The following NUBPL variants were observed in gnomAD, a reference collection of about 807,000 sequenced individuals.
NUBPL encodes iron-sulfur cluster transfer protein NUBPL.
NUBPL carries 31 observed loss-of-function variants against 45.7 expected under a neutral mutation model. The ratio of observed to expected loss-of-function variants is 0.68; its 90% confidence interval spans 0.51 to 0.92. NUBPL has a LOEUF of 0.92. Among genes scored for constraint, NUBPL ranks in the 40% least tolerant of loss-of-function variants. The probability of loss-of-function intolerance (pLI) is 0.00; values close to 1 mark genes in which losing one functional copy is unlikely to be tolerated. For missense variants in NUBPL, 401 were observed against 398.7 expected, an observed-to-expected ratio of 1.01 and a Z score of -0.05; for synonymous variants, 144 against 140.9, an observed-to-expected ratio of 1.02 and a Z score of -0.15.
chr14:31,654,037 A>G (rs1263596919), intron 4 of NUBPL: 3 of 448,808 alleles, frequency 6.7e-6, no homozygotes, highest in Admixed American at 2.4e-5. Context: ...CTACTATAGC[A>G]CTAACACCAA....
intron 4 of NUBPL, among the ~76,000 whole-genome samples, chr14:31,605,087 T>G (rs1238287365): frequency 1.3e-5 from 2 of 152,224 alleles, no homozygotes; most frequent in Non-Finnish European, 2.9e-5. Context: ...AATATAACCT[T>G]TTTTAAAGAA....
At chr14:31,823,077 A>G (rs2040043857) in intron 7 of NUBPL, among the ~76,000 whole-genome samples, 1 of 152,038 alleles carries the variant, frequency 6.6e-6, no homozygotes, top group Non-Finnish European at 1.5e-5. Context: ...GAGTTAATTG[A>G]GATATATCGA....
Position 31,689,151 on chromosome 14 carries a change from T to C in NUBPL, c.513+15577T>C, listed in dbSNP as rs61011580. ...CATACAAGTGCATGTGTCTTTATGG[T>C]AGAATGATTTATATTCTTTAGGGTA... On this transcript the variant is annotated intron_variant, in intron 6 of 10. Coordinates refer to ENST00000281081, the MANE Select transcript of NUBPL (RefSeq NM_025152.3). 3.1e-3 allele frequency among the ~76,000 whole-genome samples: 468 copies of C among 152,320 alleles called. 2 individuals carry two copies. The highest frequency in any genetic ancestry group is 0.01 in the African/African-American group (435 of 41,570).
At chr14:31,687,662 C>T (rs1188192118) in intron 6 of NUBPL, among the ~76,000 whole-genome samples, 5 of 152,192 alleles carry the variant, frequency 3.3e-5, no homozygotes, top group African/African-American at 7.2e-5. Context: ...TTCATTTCTC[C>T]AATCAATTAT....
At chr14:31,631,766 GT>G (rs998646702) in intron 4 of NUBPL, among the ~76,000 whole-genome samples, 1 of 150,500 alleles carries the variant, frequency 6.6e-6, no homozygotes, top group Non-Finnish European at 1.5e-5. Context: ...TTCCACCCCC[GT>G]TTTTTTTTCT....
chr14:31,761,192 T>G (rs181434988), intron 6 of NUBPL, among the ~76,000 whole-genome samples: 1 of 151,754 alleles, frequency 6.6e-6, no homozygotes, highest in Non-Finnish European at 1.5e-5. Flanking sequence ...TCTGAATTTT[T>G]TTTTGGAGAT....
chr14:31,614,568 T>G (rs1391642887), intron 4 of NUBPL, among the ~76,000 whole-genome samples: 2 of 152,240 alleles, frequency 1.3e-5, no homozygotes, highest in Non-Finnish European at 2.9e-5. Flanking sequence ...CTTGAAAACT[T>G]ATGATTTTCT....
chr14:31,648,456 C>T (rs933910399), intron 4 of NUBPL, among the ~76,000 whole-genome samples: 1 of 152,124 alleles, frequency 6.6e-6, no homozygotes, highest in Non-Finnish European at 1.5e-5. Flanking sequence ...GGTAAGCATA[C>T]TACCTATGTT....
chr14:31,675,002 T>G (rs1202157804), intron 6 of NUBPL, among the ~76,000 whole-genome samples: 1 of 151,958 alleles, frequency 6.6e-6, no homozygotes, highest in Non-Finnish European at 1.5e-5. Context: ...CCCTGCTTGG[T>G]GGCGGGTGCC....
intron 6 of NUBPL, among the ~76,000 whole-genome samples, chr14:31,738,876 G>A (rs1022103965): frequency 6.6e-6 from 1 of 152,030 alleles, no homozygotes; most frequent in Admixed American, 6.6e-5. Context: ...GGAGAAAATA[G>A]GGGAAAAGTC....
chr14:31,642,625 A>G (rs1185462212), intron 4 of NUBPL, among the ~76,000 whole-genome samples: 1 of 152,008 alleles, frequency 6.6e-6, no homozygotes, highest in Non-Finnish European at 1.5e-5. Flanking sequence ...AGTGTGATGC[A>G]TCCATCTTTG....
chr14:31,700,181 A>G (rs1484131697), intron 6 of NUBPL, among the ~76,000 whole-genome samples: 2 of 152,262 alleles, frequency 1.3e-5, no homozygotes, highest in African/African-American at 4.8e-5. Flanking sequence ...AGTTACCCAG[A>G]ACAAGTTATT....
chr14:31,701,570 AAC>A (rs780776932), intron 6 of NUBPL, among the ~76,000 whole-genome samples: 2 of 152,360 alleles, frequency 1.3e-5, no homozygotes, highest in Admixed American at 1.3e-4. Context: ...TATGAGCTGT[AAC>A]ACTCACTGCG....
rs560910370 is a variant in NUBPL at position 31,856,881 on chromosome 14, G to C, written c.898-2237G>C. 9.4e-4 allele frequency among the ~76,000 whole-genome samples: 143 copies of C among 152,254 alleles called. 2 individuals carry two copies. Among genetic ancestry groups the C allele is most frequent in the African/African-American group, 3.2e-3 (134 of 41,560 alleles). On this transcript the variant is annotated intron_variant, in intron 10 of 10. Coordinates refer to ENST00000281081, the MANE Select transcript of NUBPL (RefSeq NM_025152.3). ...CTTCATGGTTTGGCGTTGAGTTTCT[G>C]CAGCTTTTTCAGGCACACTGTACAA...
chr14:31,732,173 G>A, intron 6 of NUBPL, among the ~76,000 whole-genome samples: 1 of 87,360 alleles, frequency 1.1e-5, no homozygotes, highest in African/African-American at 4.6e-5. Flanking sequence ...CAGCCTGGGT[G>A]ACAGAGCAAG....
chr14:31,592,436 T>G (rs1284370861), intron 3 of NUBPL, among the ~76,000 whole-genome samples: 1 of 152,132 alleles, frequency 6.6e-6, no homozygotes, highest in Non-Finnish European at 1.5e-5. Context: ...CTGACTTATG[T>G]TTCATCTGAA....
At chr14:31,642,013 A>C (rs576864358) in intron 4 of NUBPL, among the ~76,000 whole-genome samples, 1 of 152,190 alleles carries the variant, frequency 6.6e-6, no homozygotes, top group East Asian at 1.9e-4. Flanking sequence ...TCTTTTGCCT[A>C]TTTAAAAATC....
At chr14:31,624,141 G>A (rs971212739) in intron 4 of NUBPL, among the ~76,000 whole-genome samples, 2 of 152,182 alleles carry the variant, frequency 1.3e-5, no homozygotes, top group Non-Finnish European at 2.9e-5. Flanking sequence ...TAGAAATGGA[G>A]AGGAGGAGAC....
chr14:31,698,845 A>G (rs977016157), intron 6 of NUBPL, among the ~76,000 whole-genome samples: 3 of 151,002 alleles, frequency 2.0e-5, no homozygotes, highest in Non-Finnish European at 2.9e-5. Context: ...GTGACTCAAT[A>G]GTGACTTACA....
Sources: allele counts gnomAD v4.1 joint callset (sites outside exome capture counted in the v4.1 genomes callset), GRCh38; gene constraint gnomAD v4.1.1; transcripts MANE v1.5; gene names NCBI Gene and HGNC (gene_info 2026-07-23, HGNC 2026-07-21).